The following GRIN2A variants were observed in gnomAD, a reference collection of about 807,000 sequenced individuals.
GRIN2A encodes glutamate receptor ionotropic, NMDA 2A.
In GRIN2A, 22 loss-of-function variants were observed where a neutral mutation model predicts 113.4. That is an observed-to-expected ratio of 0.19 (90% CI 0.14 to 0.28). GRIN2A has a LOEUF of 0.28. Among genes scored for constraint, GRIN2A ranks in the 10% least tolerant of loss-of-function variants. The probability of loss-of-function intolerance (pLI) is 1.00; values close to 1 mark genes in which losing one functional copy is unlikely to be tolerated. For synonymous variants in GRIN2A, 827 were observed against 738.4 expected (o/e 1.12, Z -1.94); for missense variants, 1,502 against 1,887.0 (o/e 0.80, Z 3.78).
intron 3 of GRIN2A, among the ~76,000 whole-genome samples, chr16:9,933,618 T>A (rs1435253840): frequency 6.6e-6 from 1 of 152,212 alleles, no homozygotes; most frequent in East Asian, 1.9e-4. Context: ...AAGCTTGAAG[T>A]GAAGAACTCC....
At chr16:9,837,397 T>A (rs187784182) in intron 7 of GRIN2A, among the ~76,000 whole-genome samples, 105 of 152,298 alleles carry the variant, frequency 6.9e-4, no homozygotes, top group Middle Eastern at 3.4e-3. Flanking sequence ...TATGGAAATG[T>A]TTTACAAATG....
chr16:10,115,827 T>G (rs1410383266), intron 2 of GRIN2A, among the ~76,000 whole-genome samples: 1 of 152,112 alleles, frequency 6.6e-6, no homozygotes, highest in Admixed American at 6.5e-5. Flanking sequence ...ACTTTTTTTT[T>G]GTTTTAAGAA....
chr16:9,792,332 C>T (rs904469588), intron 11 of GRIN2A, among the ~76,000 whole-genome samples: 1 of 152,230 alleles, frequency 6.6e-6, no homozygotes, highest in Non-Finnish European at 1.5e-5. Context: ...AAGCAATCCT[C>T]CTGCCTCAGC....
chr16:9,820,303 T>C (rs899792000), intron 10 of GRIN2A, among the ~76,000 whole-genome samples: 1 of 152,220 alleles, frequency 6.6e-6, no homozygotes, highest in African/African-American at 2.4e-5. Flanking sequence ...CAACAGTATA[T>C]GTTGATTAAA....
chr16:9,856,300 C>T (rs1350757893), intron 4 of GRIN2A, among the ~76,000 whole-genome samples: 1 of 152,112 alleles, frequency 6.6e-6, no homozygotes, highest in Non-Finnish European at 1.5e-5. Context: ...TTAGTTTCTT[C>T]ATATTTTAAA....
chr16:10,154,238 C>T (rs947225419), intron 2 of GRIN2A, among the ~76,000 whole-genome samples: 1 of 152,154 alleles, frequency 6.6e-6, no homozygotes, highest in Non-Finnish European at 1.5e-5. Flanking sequence ...GCGCAGAAGT[C>T]GTAGCCAACC....
At chr16:9,771,502 T>A (rs570548840) in intron 11 of GRIN2A, among the ~76,000 whole-genome samples, 1 of 152,306 alleles carries the variant, frequency 6.6e-6, no homozygotes, top group East Asian at 1.9e-4. Flanking sequence ...TAAAAGTTTT[T>A]AAAACTTTCA....
Position 10,137,786 on chromosome 16 carries a change from C to A in GRIN2A, c.414+42212G>T, listed in dbSNP as rs79356793. ...ATGAGAGAGTGTGACATGCTTAGCA[C>A]AAAGTAAGGGCTGAAGCAATGCAAG... On this transcript the variant is annotated intron_variant, in intron 2 of 12. Transcript: ENST00000330684. Among the ~76,000 whole-genome samples, 749 of 152,268 alleles carry A rather than the reference C, an allele frequency of 4.9e-3. 11 individuals carry two copies. Among genetic ancestry groups the A allele is most frequent in the African/African-American group, 0.016 (654 of 41,540 alleles).
intron 2 of GRIN2A, among the ~76,000 whole-genome samples, chr16:10,053,045 C>T (rs1402656389): frequency 1.0e-5 from 1 of 99,176 alleles, no homozygotes; most frequent in African/African-American, 4.2e-5. Context: ...AAGACTCCAT[C>T]TCAAAAAAAA....
intron 2 of GRIN2A, among the ~76,000 whole-genome samples, chr16:10,045,601 G>A (rs2047244430): frequency 6.6e-6 from 1 of 152,196 alleles, no homozygotes; most frequent in Non-Finnish European, 1.5e-5. Flanking sequence ...GATAAGAAAT[G>A]CCAGACTGGG....
chr16:10,000,922 G>A (rs756491114), intron 2 of GRIN2A, among the ~76,000 whole-genome samples: 13 of 152,050 alleles, frequency 8.5e-5, no homozygotes, highest in Non-Finnish European at 1.8e-4. Context: ...GACTCCTCCT[G>A]GGCCCAGGAA....
intron 3 of GRIN2A, among the ~76,000 whole-genome samples, chr16:9,936,708 C>T (rs540841325): frequency 1.1e-4 from 16 of 152,214 alleles, no homozygotes; most frequent in Non-Finnish European, 4.4e-5. Context: ...GAATATAATG[C>T]GGTTCTGTGA....
chr16:9,802,322 T>C (rs923241584), intron 10 of GRIN2A, among the ~76,000 whole-genome samples: 3 of 151,724 alleles, frequency 2.0e-5, no homozygotes, highest in African/African-American at 7.3e-5. Context: ...ATAAAGAAAA[T>C]ATGGTACATA....
intron 11 of GRIN2A, among the ~76,000 whole-genome samples, chr16:9,771,640 C>T (rs886546269): frequency 6.7e-6 from 1 of 148,230 alleles, no homozygotes; most frequent in Non-Finnish European, 1.5e-5. Context: ...TTCCTTGTGA[C>T]GTCTGTAACT....
chr16:9,894,386 T>A (rs968570310), intron 3 of GRIN2A, among the ~76,000 whole-genome samples: 9 of 152,230 alleles, frequency 5.9e-5, no homozygotes, highest in Admixed American at 5.2e-4. Flanking sequence ...AATGCTTCTC[T>A]GCACTTGAGG....
intron 7 of GRIN2A, among the ~76,000 whole-genome samples, chr16:9,839,390 A>T (rs2141338139): frequency 6.6e-6 from 1 of 151,912 alleles, no homozygotes; most frequent in South Asian, 2.1e-4. Context: ...AAAAAAAAAC[A>T]CCTTTTATGT....
Position 10,148,380 on chromosome 16 carries a change from C to G in GRIN2A, c.414+31618G>C, listed in dbSNP as rs148590385. On this transcript the variant is annotated intron_variant, in intron 2 of 12. Coordinates refer to ENST00000330684, the MANE Select transcript of GRIN2A (RefSeq NM_001134407.3). ...AGTTAATCATATTTCCTTAAACTGA[C>G]TCCATTTTAAATGAATTTTTTATTA... 5.4e-3 allele frequency among the ~76,000 whole-genome samples: 821 copies of G among 152,266 alleles called. 5 individuals carry two copies. The highest frequency in any genetic ancestry group is 0.019 in the African/African-American group (784 of 41,546).
intron 2 of GRIN2A, among the ~76,000 whole-genome samples, chr16:10,058,248 T>A (rs1381056871): frequency 6.6e-6 from 1 of 150,382 alleles, no homozygotes; most frequent in African/African-American, 2.5e-5. Context: ...AGCTAGACAC[T>A]GTCTCAAAAA....
intron 4 of GRIN2A, among the ~76,000 whole-genome samples, chr16:9,856,356 C>A (rs138561193): frequency 2.3e-3 from 343 of 152,256 alleles, no homozygotes; most frequent in Non-Finnish European, 4.1e-3. Flanking sequence ...ACATAAGATT[C>A]ACGCCTGTAA....
Sources: gnomAD v4.1 joint callset for allele counts (sites outside exome capture counted in the v4.1 genomes callset) on GRCh38, gnomAD v4.1.1 for gene constraint, MANE v1.5 for transcripts, NCBI Gene and HGNC (gene_info 2026-07-23, HGNC 2026-07-21) for gene names.